The following PAK5 variants were observed in gnomAD, a reference collection of about 807,000 sequenced individuals.
The protein encoded by PAK5 is p21 (RAC1) activated kinase 5, also known as serine/threonine-protein kinase PAK 5.
A neutral mutation model predicts 65.9 loss-of-function variants in PAK5; 16 were observed. The ratio of observed to expected loss-of-function variants is 0.24; its 90% CI spans 0.16 to 0.37. The LOEUF (loss-of-function observed/expected upper bound fraction) is 0.37. Ranked by LOEUF, PAK5 falls within the 10% of genes least tolerant of loss-of-function variation. The probability of loss-of-function intolerance (pLI) is 1.00; values close to 1 mark genes in which losing one functional copy is unlikely to be tolerated. For missense variants in PAK5, 785 were observed against 903.9 expected (o/e 0.87, Z 1.69); for synonymous variants, 371 against 354.9 (o/e 1.05, Z -0.51).
At chr20:9,681,382 T>A (rs2047647355) in intron 2 of PAK5, among the ~76,000 whole-genome samples, 1 of 152,300 alleles carries the variant, frequency 6.6e-6, no homozygotes, top group South Asian at 2.1e-4. Flanking sequence ...TCCCTTCATA[T>A]TTAATGTAAT....
chr20:9,696,144 C>A (rs2047866399), intron 2 of PAK5, among the ~76,000 whole-genome samples: 1 of 152,022 alleles, frequency 6.6e-6, no homozygotes, highest in African/African-American at 2.4e-5. Context: ...ATACAATGAC[C>A]TCCTTTATAA....
At chr20:9,632,491 T>G (rs1397265077) in intron 3 of PAK5, among the ~76,000 whole-genome samples, 1 of 152,182 alleles carries the variant, frequency 6.6e-6, no homozygotes, top group East Asian at 1.9e-4. Context: ...ACATGCATAA[T>G]GAAAGACTCT....
At chr20:9,551,752 G>A (rs561409361) in intron 7 of PAK5, among the ~76,000 whole-genome samples, 53 of 152,210 alleles carry the variant, frequency 3.5e-4, no homozygotes, top group Non-Finnish European at 7.1e-4. Flanking sequence ...TCACCTGAGA[G>A]CCTGTTAGAA....
chr20:9,759,495 T>G (rs1371165976), intron 1 of PAK5, among the ~76,000 whole-genome samples: 1 of 152,082 alleles, frequency 6.6e-6, no homozygotes, highest in Non-Finnish European at 1.5e-5. Flanking sequence ...AAGGGAGAGA[T>G]TGTTAAAACA....
intron 3 of PAK5, among the ~76,000 whole-genome samples, chr20:9,620,450 T>G (rs2046747951): frequency 6.6e-6 from 1 of 152,230 alleles, no homozygotes; most frequent in Admixed American, 6.5e-5. Flanking sequence ...GGGTGTCCAC[T>G]TCTTTTGACC....
chr20:9,613,753 T>C (rs1296140067), intron 3 of PAK5, among the ~76,000 whole-genome samples: 1 of 152,156 alleles, frequency 6.6e-6, no homozygotes, highest in African/African-American at 2.4e-5. Context: ...CACCCTGTCC[T>C]AGCTCAGGGA....
At chr20:9,616,373 C>T (rs943202352) in intron 3 of PAK5, among the ~76,000 whole-genome samples, 14 of 152,178 alleles carry the variant, frequency 9.2e-5, no homozygotes, top group South Asian at 2.1e-4. Context: ...CTAATGTCAA[C>T]GCCAGATGTG....
At chr20:9,614,477 C>T (rs2046619429) in intron 3 of PAK5, among the ~76,000 whole-genome samples, 1 of 152,156 alleles carries the variant, frequency 6.6e-6, no homozygotes. Flanking sequence ...ATCCAGGAAG[C>T]TCAGAGAACA....
chr20:9,723,999 T>C (rs2048246917), intron 1 of PAK5, among the ~76,000 whole-genome samples: 1 of 152,180 alleles, frequency 6.6e-6, no homozygotes, highest in African/African-American at 2.4e-5. Context: ...TAGCACCTCA[T>C]GTCAGCCAAT....
At chr20:9,625,744 CT>C (rs1436022812) in intron 3 of PAK5, among the ~76,000 whole-genome samples, 1 of 152,094 alleles carries the variant, frequency 6.6e-6, no homozygotes, top group Non-Finnish European at 1.5e-5. Context: ...GTGCCTGGCT[CT>C]GTCTTCATTC....
At position 9,707,698 on chromosome 20, in the gene PAK5, G is replaced by C. The variant is rs150845204; in HGVS notation, c.-12+3588C>G. On this transcript the variant is annotated intron_variant, in intron 2 of 9. Transcript: ENST00000353224. ...CGTGCATCCTTACACTTATTCTCTT[G>C]AATAAGTGATCCACATGGCTCAGTT... is the stretch of plus-strand genomic sequence containing the variant. Among the ~76,000 whole-genome samples, 26 of 152,222 alleles carry C rather than the reference G, an allele frequency of 1.7e-4. No homozygotes were observed. The East Asian group carries it at 4.6e-3, about 27-fold the overall frequency.
At chr20:9,605,909 G>A (rs2046445759) in intron 3 of PAK5, among the ~76,000 whole-genome samples, 1 of 152,066 alleles carries the variant, frequency 6.6e-6, no homozygotes, top group Admixed American at 6.6e-5. Flanking sequence ...CAGCCTGGGT[G>A]ACAGAGCGAG....
rs140425309 is a variant in PAK5, at chr20:9,561,349, C to G, written c.1616+1542G>C. Reference sequence around the variant, plus strand: ...TGGAAGGCAACAAAAAGGTTTCTCCCCTGAATATATTTTTATTTTTTGCTT... The same window carrying G: ...TGGAAGGCAACAAAAAGGTTTCTCCGCTGAATATATTTTTATTTTTTGCTT... On this transcript the variant is annotated intron_variant, in intron 6 of 9. Transcript: ENST00000353224. 8.9e-3 allele frequency among the ~76,000 whole-genome samples: 1,352 copies of G among 152,168 alleles called. 8 individuals carry two copies. The highest frequency in any genetic ancestry group is 0.015 in the Non-Finnish European group (1,014 of 67,988).
At chr20:9,829,549 G>A (rs1036979293) in intron 1 of PAK5, among the ~76,000 whole-genome samples, 8 of 152,134 alleles carry the variant, frequency 5.3e-5, no homozygotes, top group Admixed American at 1.3e-4. Flanking sequence ...GTTAGCTATA[G>A]TCACAAAAAG....
chr20:9,641,773 G>C (rs974078461), intron 3 of PAK5, among the ~76,000 whole-genome samples: 5 of 152,134 alleles, frequency 3.3e-5, no homozygotes, highest in African/African-American at 1.2e-4. Context: ...ATCGAGCACA[G>C]CGCCGGTGGG....
Position 9,566,128 on chromosome 20 carries a change from C to T in PAK5, c.1247G>A (p.Trp416Ter), listed in dbSNP as rs2122996922. ...GGGCTGCTGGTCGGAGGAGGAGCCC[C>T]AGCTGGGCGGCGGGTAGGTGCTGGA... ...LSSSTYPPPS[W>*]GSSSDQQPSR... Residue 416 changes from tryptophan to a stop codon, truncating the protein, a stop_gained, in exon 5 of 10, where the codon TGG becomes TAG. Coordinates refer to ENST00000353224, the MANE Select transcript of PAK5 (RefSeq NM_177990.4). LOFTEE classifies it high-confidence loss of function. 1 of 1,613,884 alleles carries T rather than the reference C, an allele frequency of 6.2e-7. No individual in the cohort carries two copies.
intron 3 of PAK5, among the ~76,000 whole-genome samples, chr20:9,630,310 A>G (rs1427327767): frequency 6.6e-6 from 1 of 152,220 alleles, no homozygotes; most frequent in African/African-American, 2.4e-5. Context: ...GAAAGATCAA[A>G]AGACAAAACT....
chr20:9,656,747 C>T (rs2047273811), intron 2 of PAK5, among the ~76,000 whole-genome samples: 1 of 152,050 alleles, frequency 6.6e-6, no homozygotes, highest in Non-Finnish European at 1.5e-5. Context: ...TGAGTTAATA[C>T]TTGTTAAGCA....
chr20:9,621,726 C>G (rs879718827), intron 3 of PAK5, among the ~76,000 whole-genome samples: 6 of 152,190 alleles, frequency 3.9e-5, no homozygotes, highest in Admixed American at 1.3e-4. Context: ...GGCCACTCCT[C>G]CTGAGAACAG....
Sources: allele counts gnomAD v4.1 joint callset (sites outside exome capture counted in the v4.1 genomes callset), GRCh38; gene constraint gnomAD v4.1.1; transcripts MANE v1.5; gene names NCBI Gene and HGNC (gene_info 2026-07-23, HGNC 2026-07-21).